The following SV2C variants were observed in gnomAD, a reference collection of about 807,000 sequenced individuals.
SV2C encodes synaptic vesicle glycoprotein 2C.
A neutral mutation model predicts 79.7 loss-of-function variants in SV2C; 49 were observed. That is an observed-to-expected ratio of 0.61 (90% CI 0.49 to 0.78). The LOEUF (loss-of-function observed/expected upper bound fraction) is 0.78. Among genes scored for constraint, SV2C ranks in the 30% least tolerant of loss-of-function variants. SV2C has a pLI of 0.00. For missense variants in SV2C, 833 were observed against 912.9 expected, an observed-to-expected ratio of 0.91 and a Z score of 1.13; for synonymous variants, 334 against 333.2, an observed-to-expected ratio of 1.00 and a Z score of -0.03.
chr5:76,301,433 G>A lies in SV2C; in HGVS notation c.1888G>A (p.Gly630Ser), dbSNP rs746562147. Residue 630 changes from glycine (G) to serine (S), a missense_variant, in exon 12 of 13, where the codon GGC (glycine) becomes AGC (serine). By Grantham distance (56) the Gly-to-Ser change is moderately conservative. Coordinates refer to ENST00000502798, the MANE Select transcript of SV2C (RefSeq NM_014979.4). ...GATCAGCTGTTTCTTCCTTTGGTTCGGCACCAGTGAATCCATGATGATAGG... is the reference window on the plus strand; with the variant it reads ...GATCAGCTGTTTCTTCCTTTGGTTCAGCACCAGTGAATCCATGATGATAGG... ...SGISCFFLWF[G>S]TSESMMIGML... The A allele has an allele frequency of 3.7e-6, 6 of 1,613,858 alleles. No homozygotes were observed. Among genetic ancestry groups the A allele is most frequent in the African/African-American group, 2.7e-5 (2 of 74,876 alleles).
At chr5:75,939,254 T>C in the SV2C span, among the ~76,000 whole-genome samples, 6 of 152,146 alleles carry the variant, frequency 3.9e-5, no homozygotes, top group African/African-American at 1.2e-4. Context: ...CTCATAGTTC[T>C]GGAGGCTGAG....
At chr5:76,176,728 G>A (rs1441369343) in intron 2 of SV2C, among the ~76,000 whole-genome samples, 1 of 152,212 alleles carries the variant, frequency 6.6e-6, no homozygotes, top group African/African-American at 2.4e-5. Flanking sequence ...AATTATGGGG[G>A]AAAAGTAGAA....
chr5:76,098,854 T>G (rs1747646261), intron 1 of SV2C, among the ~76,000 whole-genome samples: 1 of 152,186 alleles, frequency 6.6e-6, no homozygotes, highest in Non-Finnish European at 1.5e-5. Flanking sequence ...AGGAGAATGA[T>G]GCAATTCTTC....
At chr5:75,911,422 C>T in the SV2C span, 5 of 1,027,208 alleles carry the variant, frequency 4.9e-6, no homozygotes, top group African/African-American at 8.0e-5. Context: ...CCCTAGTAGG[C>T]CTCCTCCACC....
the SV2C span, among the ~76,000 whole-genome samples, chr5:75,932,181 G>C: frequency 6.6e-6 from 1 of 152,352 alleles, no homozygotes; most frequent in African/African-American, 2.4e-5. Context: ...CTCAGACACA[G>C]GGAGCCACTT....
chr5:75,884,632 T>C, the SV2C span, among the ~76,000 whole-genome samples: 1 of 152,102 alleles, frequency 6.6e-6, no homozygotes. Flanking sequence ...AAACATATTG[T>C]ACAAGAAGAG....
At chr5:76,353,037 C>T in intron 12 of SV2C, 2 of 438,778 alleles carry the variant, frequency 4.6e-6, no homozygotes, top group Admixed American at 2.5e-5. Context: ...CTTAACTGGG[C>T]TCAAGTGATC....
upstream of SV2C, among the ~76,000 whole-genome samples, chr5:76,081,338 G>A (rs1310749192): frequency 6.6e-6 from 1 of 152,190 alleles, no homozygotes; most frequent in African/African-American, 2.4e-5. Context: ...AACCGTTTGA[G>A]AACTCAGTGA....
the SV2C span, among the ~76,000 whole-genome samples, chr5:75,913,423 A>G: frequency 4.3e-3 from 649 of 152,330 alleles, 7 homozygotes; most frequent in African/African-American, 0.015. Flanking sequence ...GGTCCCAGGC[A>G]GGTGAGCTCC....
At chr5:75,876,923 G>A in the SV2C span, among the ~76,000 whole-genome samples, 3 of 152,082 alleles carry the variant, frequency 2.0e-5, no homozygotes, top group East Asian at 5.8e-4. Flanking sequence ...TAAACAAAAA[G>A]AAAAATAGTG....
At chr5:75,988,291 T>C in the SV2C span, among the ~76,000 whole-genome samples, 5 of 152,168 alleles carry the variant, frequency 3.3e-5, no homozygotes, top group African/African-American at 1.2e-4. Flanking sequence ...CACATTGCTT[T>C]ACTTTACCAG....
At chr5:76,337,882 CT>C (rs1343656116), downstream of SV2C, among the ~76,000 whole-genome samples, 1 of 152,176 alleles carries the variant, frequency 6.6e-6, no homozygotes, top group Non-Finnish European at 1.5e-5. Flanking sequence ...CACATCCTTC[CT>C]CTCCCTACAC....
At chr5:75,861,319 A>G in the SV2C span, among the ~76,000 whole-genome samples, 1 of 152,204 alleles carries the variant, frequency 6.6e-6, no homozygotes, top group African/African-American at 2.4e-5. Context: ...AAGTCAAAAA[A>G]CAACAGATGC....
chr5:76,253,572 G>A (rs1277303155), intron 4 of SV2C, among the ~76,000 whole-genome samples: 5 of 152,082 alleles, frequency 3.3e-5, no homozygotes, highest in South Asian at 2.1e-4. Context: ...GGATGGGAGG[G>A]AAATGGTTTC....
rs529026374 is a variant in SV2C at position 76,285,946 on chromosome 5, T to G, written c.1137+76T>G. 131 of 1,401,630 alleles carry G rather than the reference T, an allele frequency of 9.3e-5. No homozygotes were observed. The Admixed American group carries it at 1.4e-3, about 15-fold the overall frequency. 86.8% of individuals were successfully genotyped at this position (1,401,630 alleles called of 1,614,324 possible). A position where few individuals can be genotyped will look rare whatever the true frequency, so the allele number is the denominator to read the frequency against. ...TCTGTCAAGGGAAAAATTGTAAATA[T>G]TTTAGACTTTGCAAGTCATACGGTC... is the stretch of plus-strand genomic sequence containing the variant. On this transcript the variant is annotated intron_variant, in intron 6 of 12. Transcript: ENST00000502798.
At chr5:76,216,907 C>T (rs979868711) in intron 4 of SV2C, among the ~76,000 whole-genome samples, 7 of 152,242 alleles carry the variant, frequency 4.6e-5, no homozygotes, top group Non-Finnish European at 4.4e-5. Flanking sequence ...TGCTGCTAGA[C>T]TGCGGCACTG....
the SV2C span, among the ~76,000 whole-genome samples, chr5:75,882,914 T>A: frequency 6.6e-6 from 1 of 151,318 alleles, no homozygotes; most frequent in Non-Finnish European, 1.5e-5. Context: ...ACCTACAAAA[T>A]GGGAGAAAAT....
chr5:76,241,104 A>T lies in SV2C; in HGVS notation c.913+31217A>T, dbSNP rs536391619. Among the ~76,000 whole-genome samples the T allele has an allele frequency of 3.3e-5, 5 of 151,088 alleles. No individual in the cohort carries two copies. In the East Asian group the frequency reaches 9.8e-4, roughly 29 times the overall value. On this transcript the variant is annotated intron_variant, in intron 4 of 12. Coordinates refer to ENST00000502798, the MANE Select transcript of SV2C (RefSeq NM_014979.4). ...CCCGAGTAGCTGGGACTACAAGCGC[A>T]CGCCACCACACCCAGCTAATTTTTG...
chr5:75,915,963 C>G, the SV2C span, among the ~76,000 whole-genome samples: 1 of 151,992 alleles, frequency 6.6e-6, no homozygotes, highest in Non-Finnish European at 1.5e-5. Flanking sequence ...GGGGTCTTAT[C>G]AAGGAGTGGA....
Sources: gnomAD v4.1 joint callset for allele counts (sites outside exome capture counted in the v4.1 genomes callset) on GRCh38, gnomAD v4.1.1 for gene constraint, MANE v1.5 for transcripts, NCBI Gene and HGNC (gene_info 2026-07-23, HGNC 2026-07-21) for gene names.